SHTN1: variants seen among roughly 807,000 people sequenced by gnomAD.
SHTN1 encodes shootin-1.
In SHTN1, 42 loss-of-function variants were observed where a neutral mutation model predicts 83.1. The ratio of observed to expected loss-of-function variants is 0.51; its 90% confidence interval spans 0.39 to 0.65. The LOEUF is 0.65. Ranked by LOEUF, SHTN1 falls within the 30% of genes least tolerant of loss-of-function variation. The pLI is 0.00. For missense variants in SHTN1, 622 were observed against 737.8 expected, an observed-to-expected ratio of 0.84 and a Z score of 1.82; for synonymous variants, 224 against 247.7, an observed-to-expected ratio of 0.90 and a Z score of 0.90.
At chr10:116,991,613 G>C (rs1851439711) in intron 1 of SHTN1, among the ~76,000 whole-genome samples, 1 of 152,116 alleles carries the variant, frequency 6.6e-6, no homozygotes. Flanking sequence ...ATTGCTACAA[G>C]ATACTAAAAA....
intron 15 of SHTN1, among the ~76,000 whole-genome samples, chr10:116,903,285 C>G (rs183208898): frequency 6.6e-6 from 1 of 152,094 alleles, no homozygotes; most frequent in Non-Finnish European, 1.5e-5. Flanking sequence ...GTAATCCCAG[C>G]ACTTTGAGAG....
In SHTN1 at chr10:116,980,512, C is replaced by CACAATTT. The variant is rs201125255; in HGVS notation, c.59-1211_59-1205dup. 5.2e-3 allele frequency among the ~76,000 whole-genome samples: 775 copies of CACAATTT among 148,440 alleles called. 10 individuals carry two copies. The highest frequency in any genetic ancestry group is 0.018 in the African/African-American group (738 of 40,012). ...GTCTTGCTATTTTGCCCAGCCTGGT[C>CACAATTT]ACAATTTGAACTTTTGCTTTATGGA... On this transcript the variant is annotated intron_variant, in intron 1 of 16. Coordinates refer to ENST00000355371, the MANE Select transcript of SHTN1 (RefSeq NM_001127211.3).
At chr10:116,908,650 CTTGAT>C (rs960900845) in intron 14 of SHTN1, among the ~76,000 whole-genome samples, 46 of 152,126 alleles carry the variant, frequency 3.0e-4, no homozygotes, top group African/African-American at 9.4e-4. Context: ...TTCTCAATGG[CTTGAT>C]TTAATTCAAG....
rs145499085 is a variant in SHTN1, at chr10:117,103,210, C to T, written c.-189+23097G>A. Among the ~76,000 whole-genome samples the T allele has an allele frequency of 6.8e-3, 1,032 of 152,100 alleles. 5 individuals carry two copies. The highest frequency in any genetic ancestry group is 6.7e-3 in the Non-Finnish European group (455 of 68,006). On this transcript the variant is annotated intron_variant, in intron 1 of 17. Transcript: ENST00000392901. ...GTTCAAGCAATTCTTCTGCCTCAGC[C>T]TCCTAAGTAGCTGGGATTACAGGTG...
At chr10:117,075,366 C>T (rs1265593779) in intron 1 of SHTN1, among the ~76,000 whole-genome samples, 2 of 152,098 alleles carry the variant, frequency 1.3e-5, no homozygotes, top group Non-Finnish European at 2.9e-5. Flanking sequence ...TGGTAAAAGC[C>T]TTGGGTCAGC....
At chr10:116,916,996 T>C (rs894219293) in intron 12 of SHTN1, among the ~76,000 whole-genome samples, 2 of 152,230 alleles carry the variant, frequency 1.3e-5, no homozygotes, top group African/African-American at 4.8e-5. Context: ...AGAACTCATC[T>C]ACCAGTAAAT....
chr10:117,066,754 G>A (rs573231419), intron 1 of SHTN1, among the ~76,000 whole-genome samples: 1 of 152,284 alleles, frequency 6.6e-6, no homozygotes, highest in South Asian at 2.1e-4. Flanking sequence ...TAGAAAGAAC[G>A]TGGGACTTAG....
intron 10 of SHTN1, 128 bp from the exon 11 acceptor site, chr10:116,928,019 CA>C: frequency 4.8e-6 from 5 of 1,045,438 alleles, no homozygotes; most frequent in South Asian, 1.6e-5. Flanking sequence ...TTAGAAATTT[CA>C]ATATGAAATT....
At chr10:116,971,741 T>A (rs1014740665) in intron 2 of SHTN1, among the ~76,000 whole-genome samples, 4 of 152,238 alleles carry the variant, frequency 2.6e-5, no homozygotes, top group African/African-American at 9.6e-5. Flanking sequence ...TAATCTGGCA[T>A]TTCTGAAAAA....
At chr10:116,950,122 ATAT>A (rs1849723654) in intron 6 of SHTN1, among the ~76,000 whole-genome samples, 1 of 152,190 alleles carries the variant, frequency 6.6e-6, no homozygotes, top group African/African-American at 2.4e-5. Context: ...CACCATGCTA[ATAT>A]TCTGTGAATT....
At chr10:117,036,546 A>G (rs189483981) in intron 2 of SHTN1, among the ~76,000 whole-genome samples, 113 of 152,368 alleles carry the variant, frequency 7.4e-4, no homozygotes, top group Non-Finnish European at 1.4e-3. Context: ...AAAGACAAAC[A>G]TCACATGCTC....
At chr10:117,021,716 A>T (rs1371296430) in intron 2 of SHTN1, among the ~76,000 whole-genome samples, 1 of 152,218 alleles carries the variant, frequency 6.6e-6, no homozygotes, top group Non-Finnish European at 1.5e-5. Flanking sequence ...GAACTTATAG[A>T]CAAATATTCA....
chr10:117,003,642 G>A (rs1277545426), intron 1 of SHTN1, among the ~76,000 whole-genome samples: 9 of 151,760 alleles, frequency 5.9e-5, no homozygotes, highest in African/African-American at 2.2e-4. Context: ...TTTCACCCTC[G>A]CCTTTAGTCA....
At chr10:117,021,396 T>A (rs766023858) in intron 2 of SHTN1, among the ~76,000 whole-genome samples, 9 of 152,106 alleles carry the variant, frequency 5.9e-5, no homozygotes, top group Non-Finnish European at 1.3e-4. Flanking sequence ...AAAGTGAGAC[T>A]TCATCTCGAA....
chr10:117,026,623 T>C (rs1852336381), intron 2 of SHTN1, among the ~76,000 whole-genome samples: 1 of 152,176 alleles, frequency 6.6e-6, no homozygotes, highest in African/African-American at 2.4e-5. Flanking sequence ...GGTTTCACCA[T>C]GTTGGTCAGG....
At chr10:116,899,720 A>G (rs1802025165) in intron 16 of SHTN1, among the ~76,000 whole-genome samples, 1 of 152,190 alleles carries the variant, frequency 6.6e-6, no homozygotes, top group Non-Finnish European at 1.5e-5. Context: ...CTAGAATGCA[A>G]AGACAGTTTT....
At chr10:117,023,488 T>C (rs1351724805) in intron 2 of SHTN1, among the ~76,000 whole-genome samples, 2 of 152,180 alleles carry the variant, frequency 1.3e-5, no homozygotes, top group Non-Finnish European at 2.9e-5. Context: ...ATGGGCAAAA[T>C]GTACAAGGGC....
At chr10:117,004,312 G>C (rs1851931296) in intron 1 of SHTN1, among the ~76,000 whole-genome samples, 1 of 152,026 alleles carries the variant, frequency 6.6e-6, no homozygotes, top group East Asian at 1.9e-4. Flanking sequence ...TGTGGTAACT[G>C]ATGAAAAAAA....
At chr10:116,963,759 GTTAAA>G (rs1183745312) in intron 3 of SHTN1, among the ~76,000 whole-genome samples, 1 of 152,078 alleles carries the variant, frequency 6.6e-6, no homozygotes, top group African/African-American at 2.4e-5. Context: ...ATGGGGATTC[GTTAAA>G]TTATTTTCCC....
Sources: allele counts gnomAD v4.1 joint callset (sites outside exome capture counted in the v4.1 genomes callset), GRCh38; gene constraint gnomAD v4.1.1; transcripts MANE v1.5; gene names NCBI Gene and HGNC (gene_info 2026-07-23, HGNC 2026-07-21).